The following VAV2 variants were observed in gnomAD, a reference collection of about 807,000 sequenced individuals.
VAV2 encodes guanine nucleotide exchange factor VAV2.
A neutral mutation model predicts 132.5 loss-of-function variants in VAV2; 67 were observed. The observed-to-expected ratio is 0.51, with a 90% CI of 0.42 to 0.62. VAV2 has a LOEUF of 0.62. VAV2 is among the 20% of genes least tolerant of loss of function. The pLI, the probability that VAV2 is intolerant of heterozygous loss-of-function variation, is 0.00. For missense variants in VAV2, 938 were observed against 1,153.6 expected, an observed-to-expected ratio of 0.81 and a Z score of 2.71; for synonymous variants, 492 against 443.5, an observed-to-expected ratio of 1.11 and a Z score of -1.37.
In VAV2 at chr9:133,824,746, G is replaced by A. The variant is rs1469369387; in HGVS notation, c.449+9526C>T. ...TTAGCCACCCCTGGGGTTAGGGAGG[G>A]GTGGTCTGACAATGACCCTTGGAGA... On this transcript the variant is annotated intron_variant, in intron 4 of 29. Transcript: ENST00000371850. The surrounding 1 kb of genome is among the most constrained non-coding windows in gnomAD (Gnocchi z 5.2). Among the ~76,000 whole-genome samples the A allele has an allele frequency of 6.6e-6, 1 of 152,120 alleles. No homozygotes were observed. The highest frequency in any genetic ancestry group is 1.9e-4 in the East Asian group (1 of 5,178).
chr9:133,924,454 C>T lies in VAV2; in HGVS notation c.321+14649G>A, dbSNP rs191521048. Among the ~76,000 whole-genome samples, 500 of 152,276 alleles carry T rather than the reference C, an allele frequency of 3.3e-3. 7 individuals carry two copies. Among genetic ancestry groups the T allele is most frequent in the African/African-American group, 0.011 (459 of 41,538 alleles). On this transcript the variant is annotated intron_variant, in intron 2 of 29. Transcript: ENST00000371850. ...CACTGGCCTCGGCCTCCCAAAGTGC[C>T]GGGATTACAGGCTTGAGCCACCACA... is the stretch of plus-strand genomic sequence containing the variant.
At chr9:133,948,938 G>A (rs1368266971) in intron 1 of VAV2, among the ~76,000 whole-genome samples, 1 of 152,170 alleles carries the variant, frequency 6.6e-6, no homozygotes, top group Admixed American at 6.5e-5. Context: ...GGAGCCCCAC[G>A]GCATAGGCAA....
At chr9:133,776,121 C>T (rs1833802571) in intron 23 of VAV2, 41 bp from the exon 24 acceptor site, 2 of 1,607,940 alleles carry the variant, frequency 1.2e-6, no homozygotes, top group South Asian at 2.2e-5. Context: ...CCCCCAGGGC[C>T]ACTCACAGAG....
intron 2 of VAV2, among the ~76,000 whole-genome samples, chr9:133,896,012 G>A (rs1205814393): frequency 1.2e-5 from 1 of 84,848 alleles, no homozygotes; most frequent in Non-Finnish European, 2.5e-5. Context: ...GACAATAGTG[G>A]AGGGAAGGTC....
At chr9:133,851,182 C>T (rs1278164069) in intron 3 of VAV2, among the ~76,000 whole-genome samples, 3 of 152,208 alleles carry the variant, frequency 2.0e-5, no homozygotes, top group African/African-American at 7.2e-5. Flanking sequence ...CAGGAGACAA[C>T]TTTGCAGCCA....
intron 3 of VAV2, among the ~76,000 whole-genome samples, chr9:133,836,763 C>G (rs551142218): frequency 6.6e-6 from 1 of 152,204 alleles, no homozygotes; most frequent in African/African-American, 2.4e-5. Context: ...CTTCTAGAAC[C>G]CGCCCTGCTA....
intron 3 of VAV2, among the ~76,000 whole-genome samples, chr9:133,835,605 G>A (rs564708592): frequency 2.6e-5 from 4 of 152,202 alleles, no homozygotes; most frequent in South Asian, 2.1e-4. Context: ...AGGATGGGAC[G>A]GGAGATCCCA....
chr9:133,954,793 C>A (rs561935538), intron 1 of VAV2, among the ~76,000 whole-genome samples: 2 of 152,148 alleles, frequency 1.3e-5, no homozygotes, highest in African/African-American at 2.4e-5. Flanking sequence ...TGTGCATGCT[C>A]ATGATGTATG....
rs1588174303 is a variant in VAV2 at position 133,788,266 on chromosome 9, T to G, written c.1407+88A>C. ...GCCAGCATCAGCGGCTGACTTCGAGTCCCCTTCCCCTGGGGTCTGGAACCC... is the reference window on the plus strand; with the variant it reads ...GCCAGCATCAGCGGCTGACTTCGAGGCCCCTTCCCCTGGGGTCTGGAACCC... On this transcript the variant is annotated intron_variant, in intron 15 of 29. Transcript: ENST00000371850. The surrounding 1 kb of genome is among the most constrained non-coding windows in gnomAD (Gnocchi z 5.3). 41 of 1,162,224 alleles carry G rather than the reference T, an allele frequency of 3.5e-5. No individual in the cohort carries two copies. The East Asian group carries it at 4.1e-4, about 12-fold the overall frequency. 72.0% of individuals were successfully genotyped at this position (1,162,224 alleles called of 1,614,324 possible).
rs1834359328 is a variant in VAV2, at chr9:133,789,326, T to C, written c.1206A>G (p.Glu402=). The change falls in exon 14 of 30, where the codon GAA becomes GAG. Residue 402 remains glutamate (E), a synonymous_variant. Coordinates refer to ENST00000371850, the MANE Select transcript of VAV2 (RefSeq NM_001134398.2). ...CCCCGTCAATCTTTGGTCTTCCAAATTCCTCCAGTTTCACTTGCTGGGAAG... is the reference window on the plus strand; with the variant it reads ...CCCCGTCAATCTTTGGTCTTCCAAACTCCTCCAGTTTCACTTGCTGGGAAG... The part of the protein sequence containing the change: ...SIENLQVKLE[E]FGRPKIDGEL... The C allele has an allele frequency of 6.2e-7, 1 of 1,613,948 alleles. No homozygotes were observed. Among genetic ancestry groups the C allele is most frequent in the Middle Eastern group, 1.7e-4 (1 of 6,060 alleles).
At chr9:133,792,613 G>GGT (rs375538619) in intron 12 of VAV2, among the ~76,000 whole-genome samples, 2 of 150,506 alleles carry the variant, frequency 1.3e-5, no homozygotes, top group Non-Finnish European at 3.0e-5. Context: ...TGCTGTGCAG[G>GGT]GTGTGTGTGT....
At chr9:133,990,251 G>A (rs1395065480) in intron 1 of VAV2, among the ~76,000 whole-genome samples, 1 of 152,014 alleles carries the variant, frequency 6.6e-6, no homozygotes, top group African/African-American at 2.4e-5. Context: ...CCCTCTACCG[G>A]CCCAGCAGCG....
intron 8 of VAV2, among the ~76,000 whole-genome samples, chr9:133,806,723 A>G (rs1162120885): frequency 2.0e-5 from 3 of 152,226 alleles, no homozygotes; most frequent in Non-Finnish European, 4.4e-5. Context: ...GAGGCAGGAC[A>G]CAGCCACCGC....
At chr9:133,943,303 T>C (rs536552231) in intron 1 of VAV2, among the ~76,000 whole-genome samples, 27 of 152,306 alleles carry the variant, frequency 1.8e-4, no homozygotes, top group African/African-American at 6.5e-4. Flanking sequence ...CTGAGGTTGC[T>C]GCAGGTGCAT....
At chr9:133,902,737 C>A (rs1190442841) in intron 2 of VAV2, among the ~76,000 whole-genome samples, 1 of 152,148 alleles carries the variant, frequency 6.6e-6, no homozygotes, top group African/African-American at 2.4e-5. Flanking sequence ...AATGTTGTCA[C>A]TGGGGTGGGA....
chr9:133,985,814 TTC>T (rs2132306423), intron 1 of VAV2, among the ~76,000 whole-genome samples: 1 of 152,272 alleles, frequency 6.6e-6, no homozygotes, highest in Non-Finnish European at 1.5e-5. Context: ...TGTAACACAG[TTC>T]CCACTGGTCA....
intron 1 of VAV2, among the ~76,000 whole-genome samples, chr9:133,974,153 T>C (rs1842430802): frequency 6.8e-6 from 1 of 146,152 alleles, no homozygotes; most frequent in South Asian, 2.4e-4. Flanking sequence ...CAGCGTCTCC[T>C]CACACTCCCT....
rs534012005 is a variant in VAV2, at chr9:133,989,768, G to A, written c.204+2307C>T. Among the ~76,000 whole-genome samples, 5 of 152,376 alleles carry A rather than the reference G, an allele frequency of 3.3e-5. No homozygotes were observed. The South Asian group carries it at 1.0e-3, about 32-fold the overall frequency. On this transcript the variant is annotated intron_variant, in intron 1 of 29. Coordinates refer to ENST00000371850, the MANE Select transcript of VAV2 (RefSeq NM_001134398.2). ...GAAGTCTTTCTCCCAACCCCTGTGT[G>A]CAGCCAGATGCAGTAAAGTGGTTTC... is the stretch of plus-strand genomic sequence containing the variant.
At chr9:133,940,217 G>A (rs1301727190) in intron 1 of VAV2, among the ~76,000 whole-genome samples, 3 of 152,274 alleles carry the variant, frequency 2.0e-5, no homozygotes, top group Admixed American at 6.5e-5. Context: ...TGACCAGAGT[G>A]GGCACTGGGG....
Sources: gnomAD v4.1 joint callset for allele counts (sites outside exome capture counted in the v4.1 genomes callset) on GRCh38, gnomAD v4.1.1 for gene constraint, Gnocchi (gnomAD v3.1) non-coding constraint, MANE v1.5 for transcripts, NCBI Gene and HGNC (gene_info 2026-07-23, HGNC 2026-07-21) for gene names.